Variants in HNRNPC observed in about 807,000 individuals in gnomAD.
The protein encoded by HNRNPC is heterogeneous nuclear ribonucleoprotein C.
A neutral mutation model predicts 33.2 loss-of-function variants in HNRNPC; 3 were observed. The observed-to-expected ratio is 0.09, with a 90% confidence interval of 0.04 to 0.23. HNRNPC has a LOEUF of 0.23. Among genes scored for constraint, HNRNPC ranks in the 10% least tolerant of loss-of-function variants. The probability of loss-of-function intolerance (pLI) is 1.00; values close to 1 mark genes in which losing one functional copy is unlikely to be tolerated. For missense variants in HNRNPC, 143 were observed against 366.7 expected (o/e 0.39, Z 4.98); for synonymous variants, 121 against 126.7 (o/e 0.96, Z 0.30).
chr14:21,250,229 G>A (rs922581765), intron 2 of HNRNPC, among the ~76,000 whole-genome samples: 16 of 151,876 alleles, frequency 1.1e-4, no homozygotes, highest in Non-Finnish European at 2.1e-4. Context: ...CTCCAGCCTG[G>A]GCAACGGAGC....
rs557661314 is a variant in HNRNPC, at chr14:21,255,477, CTA to C, written c.-37+7832_-37+7833del. ...ATGTTGATACAGGCAACACGGTAGT[CTA>C]TGTGCTCAAATGCTAACTCGACTCT... is the stretch of plus-strand genomic sequence containing the variant. On this transcript the variant is annotated intron_variant, in intron 2 of 8. Coordinates refer to ENST00000553300, the MANE Select transcript of HNRNPC (RefSeq NM_004500.4). 1.3e-3 allele frequency among the ~76,000 whole-genome samples: 191 copies of C among 152,342 alleles called. 1 individual carries two copies. Among genetic ancestry groups the C allele is most frequent in the East Asian group, 5.8e-4 (3 of 5,188 alleles).
intron 2 of HNRNPC, among the ~76,000 whole-genome samples, chr14:21,250,505 C>G (rs146578257): frequency 3.2e-4 from 49 of 152,150 alleles, no homozygotes; most frequent in African/African-American, 1.1e-3. Context: ...CTTTCATAAC[C>G]AAGAATGGTT....
chr14:21,218,981 A>G (rs8018410), intron 5 of HNRNPC, among the ~76,000 whole-genome samples: 52,074 of 151,334 alleles, frequency 0.34, 9,090 homozygotes, highest in Admixed American at 0.39. Context: ...ATGGTGGCAC[A>G]TGCTTGTAGT....
At chr14:21,243,115 G>A (rs1021946516) in intron 2 of HNRNPC, among the ~76,000 whole-genome samples, 15 of 152,132 alleles carry the variant, frequency 9.9e-5, no homozygotes, top group Non-Finnish European at 1.0e-4. Flanking sequence ...AGAGGTGGGG[G>A]GGTGGGCAGT....
chr14:21,219,345 T>G (rs1272583707), intron 5 of HNRNPC, among the ~76,000 whole-genome samples: 1 of 152,300 alleles, frequency 6.6e-6, no homozygotes, highest in Non-Finnish European at 1.5e-5. Flanking sequence ...TCAAATCTGA[T>G]GTAGGAATTA....
At chr14:21,230,457 C>T (rs1381830597) in intron 4 of HNRNPC, 91 bp from the exon 5 acceptor site, 2 of 843,194 alleles carry the variant, frequency 2.4e-6, no homozygotes, top group Non-Finnish European at 4.0e-6. Flanking sequence ...AAATAAACCA[C>T]AACAAATAGA....
intron 5 of HNRNPC, among the ~76,000 whole-genome samples, chr14:21,219,521 T>C (rs1343273285): frequency 2.0e-5 from 3 of 152,254 alleles, no homozygotes; most frequent in African/African-American, 4.8e-5. Context: ...TAAATTCTCA[T>C]ACTACTTCAA....
At chr14:21,268,216 G>A (rs889492379) in intron 1 of HNRNPC, among the ~76,000 whole-genome samples, 18 of 152,060 alleles carry the variant, frequency 1.2e-4, no homozygotes, top group African/African-American at 4.3e-4. Flanking sequence ...TCAGCACCCA[G>A]CAAATAATAG....
At chr14:21,220,509 G>A (rs1204588921) in intron 5 of HNRNPC, among the ~76,000 whole-genome samples, 4 of 152,254 alleles carry the variant, frequency 2.6e-5, no homozygotes, top group South Asian at 2.1e-4. Flanking sequence ...GATTACAGGC[G>A]TCAGCCACCA....
intron 5 of HNRNPC, among the ~76,000 whole-genome samples, chr14:21,218,204 T>C (rs960331688): frequency 1.3e-5 from 2 of 152,138 alleles, no homozygotes; most frequent in African/African-American, 2.4e-5. Context: ...CCTCAAGTGA[T>C]CCACCAGCCT....
intron 5 of HNRNPC, among the ~76,000 whole-genome samples, chr14:21,226,327 G>GAAAAAAAA (rs374686866): frequency 9.1e-5 from 10 of 110,452 alleles, no homozygotes; most frequent in African/African-American, 1.3e-4. Context: ...GTTTCCAAAA[G>GAAAAAAAA]AAAAAAAAAA....
intron 2 of HNRNPC, among the ~76,000 whole-genome samples, chr14:21,236,139 T>C (rs981049836): frequency 1.3e-5 from 2 of 152,154 alleles, no homozygotes; most frequent in African/African-American, 2.4e-5. Context: ...GCATTTTTCA[T>C]GTGTATCAGG....
intron 2 of HNRNPC, among the ~76,000 whole-genome samples, chr14:21,256,098 T>A (rs988343426): frequency 6.6e-6 from 1 of 152,018 alleles, no homozygotes; most frequent in Non-Finnish European, 1.5e-5. Flanking sequence ...CACAGAAAAA[T>A]TTTTGACTTC....
intron 5 of HNRNPC, among the ~76,000 whole-genome samples, chr14:21,222,671 T>C (rs1388282275): frequency 6.6e-6 from 1 of 152,128 alleles, no homozygotes; most frequent in Non-Finnish European, 1.5e-5. Context: ...GGCAGGCAGA[T>C]CATGAGGTCA....
Position 21,211,510 on chromosome 14 carries a change from C to G in HNRNPC, c.694G>C (p.Asp232His). 6.2e-7 allele frequency: 1 copy of G among 1,613,264 alleles called. No homozygotes were observed. The change falls in exon 8 of 9, where the codon GAT becomes CAT. Residue 232 changes from aspartate (D) to histidine (H), a missense_variant. Coordinates refer to ENST00000553300, the MANE Select transcript of HNRNPC (RefSeq NM_004500.4). ...GACTCCATCTTCACATTAGTCTCATCTTTCTTCACGGAGCTGCTGCTCTGC... is the reference window on the plus strand; with the variant it reads ...GACTCCATCTTCACATTAGTCTCATGTTTCTTCACGGAGCTGCTGCTCTGC... ...EEQSSSSVKK[D>H]ETNVKMESEG...
intron 5 of HNRNPC, among the ~76,000 whole-genome samples, chr14:21,228,609 G>C (rs1057005432): frequency 2.0e-5 from 3 of 151,868 alleles, no homozygotes; most frequent in African/African-American, 7.3e-5. Flanking sequence ...GCCCAGGCTG[G>C]TCTTGAACTC....
chr14:21,219,930 G>A (rs2139525185), intron 5 of HNRNPC, among the ~76,000 whole-genome samples: 1 of 152,224 alleles, frequency 6.6e-6, no homozygotes, highest in East Asian at 1.9e-4. Context: ...GGCCACATCT[G>A]ATTCCTCTCT....
intron 1 of HNRNPC, among the ~76,000 whole-genome samples, chr14:21,266,953 C>A (rs190569666): frequency 3.6e-4 from 54 of 151,700 alleles, no homozygotes; most frequent in African/African-American, 1.2e-3. Context: ...TAGCCCGGTG[C>A]GGTGGCACAC....
chr14:21,251,264 A>AC (rs2138916254), intron 2 of HNRNPC, among the ~76,000 whole-genome samples: 1 of 146,974 alleles, frequency 6.8e-6, no homozygotes, highest in African/African-American at 2.6e-5. Flanking sequence ...CCCTCTCAAA[A>AC]AAAAAAAAAA....
Sources: allele counts gnomAD v4.1 joint callset (sites outside exome capture counted in the v4.1 genomes callset), GRCh38; gene constraint gnomAD v4.1.1; transcripts MANE v1.5; gene names NCBI Gene and HGNC (gene_info 2026-07-23, HGNC 2026-07-21).